Variants in CFAP46 observed in about 807,000 individuals in gnomAD.
CFAP46 encodes cilia- and flagella-associated protein 46.
CFAP46 carries 245 observed loss-of-function variants against 325.7 expected under a neutral mutation model. That is an observed-to-expected ratio of 0.75 (90% CI 0.68 to 0.84). The LOEUF is 0.84. Among genes scored for constraint, CFAP46 ranks in the 40% least tolerant of loss-of-function variants. The probability of loss-of-function intolerance (pLI) is 0.00; values close to 1 mark genes in which losing one functional copy is unlikely to be tolerated. For missense variants in CFAP46, 3,346 were observed against 3,543.0 expected, an observed-to-expected ratio of 0.94 and a Z score of 1.41; for synonymous variants, 1,523 against 1,495.9, an observed-to-expected ratio of 1.02 and a Z score of -0.42.
chr10:132,810,873 C>T, intron 56 of CFAP46, 77 bp downstream of exon 56: 2 of 1,374,552 alleles, frequency 1.5e-6, no homozygotes, highest in Non-Finnish European at 2.0e-6. Flanking sequence ...TCCCTCCTCC[C>T]TTGTGGGTCC....
At position 132,912,330 on chromosome 10, in the gene CFAP46, TTC is replaced by T. The variant is rs767905630; in HGVS notation, c.2499+323_2499+324del. Among the ~76,000 whole-genome samples the T allele has an allele frequency of 1.9e-4, 26 of 134,132 alleles. 3 individuals are homozygous for T. The highest frequency in any genetic ancestry group is 5.4e-4 in the South Asian group (2 of 3,710). 88.0% of individuals were successfully genotyped at this position (134,132 alleles called of 152,430 possible). ...TTCTCCTGTCTCTTCTCCTCTCTTCTTCTCTCTCTCCTGTCTCTTCTCCTCTC... is the reference window on the plus strand; with the variant it reads ...TTCTCCTGTCTCTTCTCCTCTCTTCTTCTCTCTCCTGTCTCTTCTCCTCTC... On this transcript the variant is annotated intron_variant, in intron 19 of 57. Transcript: ENST00000368586.
intron 27 of CFAP46, among the ~76,000 whole-genome samples, chr10:132,883,415 C>T (rs73393247): frequency 0.065 from 9,854 of 152,312 alleles, 780 homozygotes; most frequent in African/African-American, 0.19. Context: ...CAGGCAAACA[C>T]GAGGAGACAC....
rs75295632 is a variant in CFAP46, at chr10:132,886,456, T to C, written c.3305-497A>G. Among the ~76,000 whole-genome samples, 1,695 of 152,290 alleles carry C rather than the reference T, an allele frequency of 0.011. 20 individuals carry two copies. The highest frequency in any genetic ancestry group is 0.061 in the East Asian group (316 of 5,164). ...TGTGACACGCAGAGGCAAAGGTGCC[T>C]GCCTTCAGGGCACACACAAAAATCG... On this transcript the variant is annotated intron_variant, in intron 25 of 57. Coordinates refer to ENST00000368586, the MANE Select transcript of CFAP46 (RefSeq NM_001200049.3). This position sits in a 1 kb window ranked among gnomAD's most constrained non-coding sequence, Gnocchi z 5.8.
At chr10:132,849,431 G>C (rs531644161) in intron 41 of CFAP46, among the ~76,000 whole-genome samples, 21 of 152,314 alleles carry the variant, frequency 1.4e-4, no homozygotes, top group African/African-American at 5.1e-4. Flanking sequence ...GGTTGCTCCA[G>C]TCCCTGAGGG....
At position 132,879,446 on chromosome 10, in the gene CFAP46, A is replaced by G; in HGVS notation, c.3985T>C (p.Phe1329Leu). Residue 1329 changes from phenylalanine (F) to leucine (L), a missense_variant, in exon 29 of 58, where the codon TTC becomes CTC. By Grantham distance (22) the Phe-to-Leu change is conservative (BLOSUM62 0). Coordinates refer to ENST00000368586, the MANE Select transcript of CFAP46 (RefSeq NM_001200049.3). ...YEDCCLAAYAFFRHIWQVSLM... is the reference protein window; with the variant it reads ...YEDCCLAAYALFRHIWQVSLM... ...CTCACCTGCCAGATGTGCCTGAAGA[A>G]GGCGTAGGCTGCAAGGCAGCAGTCC... is the stretch of plus-strand genomic sequence containing the variant. 1 of 1,529,302 alleles carries G rather than the reference A, an allele frequency of 6.5e-7. No individual in the cohort carries two copies. Among genetic ancestry groups the G allele is most frequent in the Non-Finnish European group, 8.8e-7 (1 of 1,134,802 alleles). The allele number at this position is 1,529,302 out of a possible 1,614,324, so 94.7% of individuals were successfully genotyped here.
rs1358615000 is a variant in CFAP46 at position 132,860,699 on chromosome 10, C to G, written c.5091+83G>C. 80 of 1,437,900 alleles carry G rather than the reference C, an allele frequency of 5.6e-5. 1 individual carries two copies. In the South Asian group the frequency reaches 8.9e-4, roughly 16 times the overall value. 89.1% of individuals were successfully genotyped at this position (1,437,900 alleles called of 1,614,324 possible). On this transcript the variant is annotated intron_variant, in intron 36 of 57. Coordinates refer to ENST00000368586, the MANE Select transcript of CFAP46 (RefSeq NM_001200049.3). ...GGCGTGTCATCAGCGGTCTGCCAGG[C>G]AGAGCCCCATGGACGCCCTTCCTCT...
intron 21 of CFAP46, 77 bp from the exon 22 acceptor site, chr10:132,908,711 A>T: frequency 6.9e-7 from 1 of 1,442,212 alleles, no homozygotes. Flanking sequence ...CCCACGGACC[A>T]CGCAGCGCAT....
rs998069959 is a variant in CFAP46 at position 132,812,726 on chromosome 10, C to T, written c.7501+59G>A. The T allele has an allele frequency of 2.3e-5, 30 of 1,288,202 alleles. 1 individual carries two copies. In the African/African-American group the frequency reaches 4.2e-4, roughly 18 times the overall value. 79.8% of individuals were successfully genotyped at this position (1,288,202 alleles called of 1,614,324 possible). A position where few individuals can be genotyped will look rare whatever the true frequency, so the allele number is the denominator to read the frequency against. On this transcript the variant is annotated intron_variant, in intron 55 of 57. Transcript: ENST00000368586. The stretch of plus-strand genomic sequence containing the variant: ...GCAGGTGACAGTGGCCCTGCTCTGC[C>T]CTCAGGCGGGTTTGTCCTGTGCCCG...
At position 132,913,189 on chromosome 10, in the gene CFAP46, C is replaced by G. The variant is rs1849581355; in HGVS notation, c.2190G>C (p.Glu730Asp). Reference sequence around the variant, plus strand: ...TCTGCACAATCCACGCCTCCTGGATCTCCTGTCCGATCTCTGCGGAGCGCA... The same window carrying G: ...TCTGCACAATCCACGCCTCCTGGATGTCCTGTCCGATCTCTGCGGAGCGCA... ...NWLRSAEIGQ[E>D]IQEAWIVQNA... The change falls in exon 18 of 58, where the codon GAG becomes GAC. Residue 730 changes from glutamate (E) to aspartate (D), a missense_variant. Physicochemically the swap from Glu to Asp is conservative, Grantham distance 45. Coordinates refer to ENST00000368586, the MANE Select transcript of CFAP46 (RefSeq NM_001200049.3). 1.3e-6 allele frequency: 2 copies of G among 1,550,364 alleles called. No individual in the cohort carries two copies. The highest frequency in any genetic ancestry group is 2.7e-5 in the African/African-American group (2 of 73,060).
chr10:132,835,474 C>T, intron 46 of CFAP46, 40 bp from the exon 47 acceptor site: 1 of 1,611,476 alleles, frequency 6.2e-7, no homozygotes, highest in Non-Finnish European at 8.5e-7. Flanking sequence ...CTGCCCAGGG[C>T]TGAGGATGGC....
At chr10:132,867,545 T>C (rs886974485) in intron 33 of CFAP46, 38 bp from the exon 34 acceptor site, 19 of 1,541,450 alleles carry the variant, frequency 1.2e-5, no homozygotes, top group Admixed American at 4.1e-5. Context: ...AAGAGCCACA[T>C]GGCCACGAAA....
intron 5 of CFAP46, 57 bp downstream of exon 5, chr10:132,938,532 C>T: frequency 6.4e-7 from 1 of 1,572,038 alleles, no homozygotes; most frequent in Non-Finnish European, 8.7e-7. Context: ...GTGGTGGCCT[C>T]AGAGCCAGAG....
chr10:132,899,726 C>T (rs549664898), intron 22 of CFAP46, 60 bp from the exon 23 acceptor site: 1 of 1,508,276 alleles, frequency 6.6e-7, no homozygotes, highest in East Asian at 2.5e-5. Context: ...GTCCTCCCTC[C>T]CTGGGTCACT....
intron 44 of CFAP46, among the ~76,000 whole-genome samples, chr10:132,841,442 C>T (rs536106001): frequency 2.6e-5 from 4 of 152,368 alleles, no homozygotes; most frequent in African/African-American, 7.2e-5. Context: ...CTGGGTGCAG[C>T]CCACATGGCT....
At chr10:132,880,437 G>A (rs188923202) in intron 28 of CFAP46, among the ~76,000 whole-genome samples, 14 of 152,360 alleles carry the variant, frequency 9.2e-5, no homozygotes, top group Non-Finnish European at 1.2e-4. Flanking sequence ...CCCCCACCTC[G>A]AGTCAGAAGC....
At chr10:132,892,953 A>G (rs1849274447) in intron 24 of CFAP46, among the ~76,000 whole-genome samples, 1 of 152,210 alleles carries the variant, frequency 6.6e-6, no homozygotes, top group Non-Finnish European at 1.5e-5. Flanking sequence ...GCAGCTGTTA[A>G]CTGTCTCTCT....
At chr10:132,845,882 C>CTGA (rs1381103169) in intron 44 of CFAP46, among the ~76,000 whole-genome samples, 175 bp downstream of exon 44, 1 of 152,206 alleles carries the variant, frequency 6.6e-6, no homozygotes, top group East Asian at 1.9e-4. Context: ...CCAGGGGACA[C>CTGA]TGAGGCTTGG....
In CFAP46 at chr10:132,835,423, C is replaced by T; in HGVS notation, c.6625G>A (p.Val2209Met). 1.2e-6 allele frequency: 2 copies of T among 1,613,456 alleles called. No homozygotes were observed. The highest frequency in any genetic ancestry group is 1.1e-5 in the South Asian group (1 of 91,074). Residue 2209 changes from valine (V) to methionine (M), a missense_variant, in exon 47 of 58, where the codon GTG becomes ATG. By Grantham distance (21) the Val-to-Met change is conservative. Transcript: ENST00000368586. Reference sequence around the variant, plus strand: ...GTGGGACTTATGGCCAGACGCATCACCTTGCAGGAGCCTGTGGGGACATGG... The same window carrying T: ...GTGGGACTTATGGCCAGACGCATCATCTTGCAGGAGCCTGTGGGGACATGG... ...KVQAVGGSCK[V>M]MRLAISPTAF... is the part of the protein sequence containing the mutation.
rs1458818752 is a variant in CFAP46, at chr10:132,817,916, C to T, written c.7118-3002G>A. 6.6e-6 allele frequency among the ~76,000 whole-genome samples: 1 copy of T among 152,220 alleles called. No homozygotes were observed. Among genetic ancestry groups the T allele is most frequent in the Non-Finnish European group, 1.5e-5 (1 of 68,040 alleles). ...TGGAGGCTCCCGGGGAGAATCCTCT[C>T]CTGGCTCCTGGCCACGCCCTCCATC... is the stretch of plus-strand genomic sequence containing the variant. On this transcript the variant is annotated intron_variant, in intron 50 of 57. Transcript: ENST00000368586. This position sits in a 1 kb window ranked among gnomAD's most constrained non-coding sequence, Gnocchi z 4.4.
Sources: allele counts gnomAD v4.1 joint callset (sites outside exome capture counted in the v4.1 genomes callset), GRCh38; gene constraint gnomAD v4.1.1; non-coding constraint Gnocchi (gnomAD v3.1); transcripts MANE v1.5; gene names NCBI Gene and HGNC (gene_info 2026-07-23, HGNC 2026-07-21).